The following CEP63 variants were observed in gnomAD, a reference collection of about 807,000 sequenced individuals.
The protein encoded by CEP63 is centrosomal protein of 63 kDa.
In CEP63, 84 loss-of-function variants were observed where a neutral mutation model predicts 89.1. The ratio of observed to expected loss-of-function variants is 0.94; its 90% CI spans 0.79 to 1.13. The LOEUF (loss-of-function observed/expected upper bound fraction) is 1.13, where lower values mean the gene tolerates loss of function less well. Ranked by LOEUF, CEP63 falls within the 50% of genes most tolerant of loss-of-function variation. CEP63 has a pLI of 0.00. For missense variants in CEP63, 838 were observed against 813.3 expected, an observed-to-expected ratio of 1.03 and a Z score of -0.37; for synonymous variants, 267 against 272.5, an observed-to-expected ratio of 0.98 and a Z score of 0.20.
the CEP63 span, among the ~76,000 whole-genome samples, chr3:134,769,266 T>A: frequency 2.6e-5 from 4 of 152,174 alleles, no homozygotes; most frequent in Non-Finnish European, 5.9e-5. Flanking sequence ...CAGCAAATTC[T>A]TGGGCCCCAC....
chr3:134,602,968 C>T, the CEP63 span, among the ~76,000 whole-genome samples: 15 of 152,206 alleles, frequency 9.9e-5, no homozygotes, highest in African/African-American at 3.4e-4. Context: ...GGTCAGCTGG[C>T]TTCCTCACCA....
chr3:134,522,566 C>T (rs2108796570), intron 3 of CEP63, among the ~76,000 whole-genome samples: 1 of 152,096 alleles, frequency 6.6e-6, no homozygotes, highest in African/African-American at 2.4e-5. Flanking sequence ...TATTTCATCA[C>T]CCAGGTATTA....
the CEP63 span, among the ~76,000 whole-genome samples, chr3:134,668,263 A>G: frequency 1.2e-3 from 188 of 152,352 alleles, no homozygotes; most frequent in African/African-American, 3.9e-3. Context: ...GGCTGCCTGT[A>G]GAACTGTGTA....
chr3:134,775,039 G>A, the CEP63 span, among the ~76,000 whole-genome samples: 14 of 152,098 alleles, frequency 9.2e-5, no homozygotes, highest in Admixed American at 2.6e-4. Context: ...GTTCTACATC[G>A]GCCTCCAGTT....
chr3:134,714,116 C>T, the CEP63 span, among the ~76,000 whole-genome samples: 146 of 152,214 alleles, frequency 9.6e-4, 1 homozygote, highest in African/African-American at 3.4e-3. Flanking sequence ...GTGGAAGTCA[C>T]GATACTGCAA....
the CEP63 span, chr3:134,604,459 G>A: frequency 4.0e-5 from 64 of 1,605,998 alleles, no homozygotes; most frequent in Admixed American, 1.0e-4. Context: ...AATGGTGACC[G>A]TGGCCTTCCC....
At chr3:134,679,617 C>A in the CEP63 span, among the ~76,000 whole-genome samples, 986 of 152,298 alleles carry the variant, frequency 6.5e-3, 1 homozygote, top group Non-Finnish European at 9.7e-3. Context: ...GTAGTCTTAA[C>A]CTCCAGTACC....
chr3:134,534,761 C>T (rs987214985), intron 5 of CEP63, among the ~76,000 whole-genome samples: 4 of 152,158 alleles, frequency 2.6e-5, no homozygotes. Flanking sequence ...CAAATGGGTC[C>T]TAATGCTACC....
chr3:134,558,580 C>T (rs569432612), intron 13 of CEP63, among the ~76,000 whole-genome samples: 1 of 152,278 alleles, frequency 6.6e-6, no homozygotes, highest in South Asian at 2.1e-4. Flanking sequence ...TCAGTGTAAA[C>T]AAGATGTGTA....
the CEP63 span, among the ~76,000 whole-genome samples, chr3:134,644,570 T>C: frequency 6.6e-6 from 1 of 152,218 alleles, no homozygotes; most frequent in Non-Finnish European, 1.5e-5. Context: ...TCTCTATAGC[T>C]TCCTGCTGGC....
downstream of CEP63, among the ~76,000 whole-genome samples, chr3:134,592,469 GGTGTGTGT>G (rs34973626): frequency 0.012 from 1,523 of 125,188 alleles, 27 homozygotes; most frequent in African/African-American, 0.04. Context: ...TCTGCAAACT[GGTGTGTGT>G]GTGTGTGTGT....
chr3:134,487,054 T>A (rs1018034961), intron 1 of CEP63, among the ~76,000 whole-genome samples: 3 of 152,216 alleles, frequency 2.0e-5, no homozygotes, highest in African/African-American at 7.2e-5. Context: ...TAGTTTTCCC[T>A]GAGCCTTATG....
chr3:134,543,321 G>A (rs896680076), intron 6 of CEP63, among the ~76,000 whole-genome samples: 2 of 152,108 alleles, frequency 1.3e-5, no homozygotes, highest in Admixed American at 6.5e-5. Context: ...CAATATCCGC[G>A]TGTGGGTGAC....
rs915773998 is a variant in CEP63, at chr3:134,561,970, A to T, written c.*435A>T. ...CCTGGATCGATAGACTGGTTTTGCC[A>T]CTTACCAGCCAACGGGGCTTGTTAT... is the stretch of plus-strand genomic sequence containing the variant. On this transcript the variant is annotated 3_prime_UTR_variant, in exon 15 of 15. Coordinates refer to ENST00000675561, the MANE Select transcript of CEP63 (RefSeq NM_001353108.3). 27 of 1,017,854 alleles carry T rather than the reference A, an allele frequency of 2.7e-5. No homozygotes were observed. The highest frequency in any genetic ancestry group is 3.1e-5 in the Non-Finnish European group (26 of 849,696). The allele number at this position is 1,017,854 out of a possible 1,614,324, so 63.1% of individuals were successfully genotyped here.
the CEP63 span, among the ~76,000 whole-genome samples, chr3:134,733,417 A>T: frequency 6.6e-6 from 1 of 152,222 alleles, no homozygotes; most frequent in Non-Finnish European, 1.5e-5. Flanking sequence ...AAATTATTCA[A>T]ATACATGCAA....
the CEP63 span, among the ~76,000 whole-genome samples, chr3:134,738,096 A>G: frequency 6.6e-6 from 1 of 152,230 alleles, no homozygotes; most frequent in Non-Finnish European, 1.5e-5. Context: ...AATTGTGATT[A>G]GATAAAATTT....
At chr3:134,487,762 T>C (rs556407853) in intron 1 of CEP63, among the ~76,000 whole-genome samples, 7 of 152,374 alleles carry the variant, frequency 4.6e-5, no homozygotes, top group African/African-American at 1.4e-4. Context: ...AATGTCAATA[T>C]CCAGTCAGAT....
At chr3:134,496,435 G>GT (rs1940017581) in intron 2 of CEP63, among the ~76,000 whole-genome samples, 1 of 149,228 alleles carries the variant, frequency 6.7e-6, no homozygotes, top group Non-Finnish European at 1.5e-5. Flanking sequence ...AAAAAAAGGG[G>GT]GGGGGGGCTA....
chr3:134,609,212 C>T, the CEP63 span, among the ~76,000 whole-genome samples: 1 of 152,206 alleles, frequency 6.6e-6, no homozygotes, highest in Non-Finnish European at 1.5e-5. Flanking sequence ...GAATTCACTG[C>T]CTCCATCTAC....
Sources: gnomAD v4.1 joint callset for allele counts (sites outside exome capture counted in the v4.1 genomes callset) on GRCh38, gnomAD v4.1.1 for gene constraint, MANE v1.5 for transcripts, NCBI Gene and HGNC (gene_info 2026-07-23, HGNC 2026-07-21) for gene names.